RTN4IP1: variants seen among roughly 807,000 people sequenced by gnomAD.
RTN4IP1 encodes the protein reticulon 4 interacting protein 1.
A neutral mutation model predicts 46.6 loss-of-function variants in RTN4IP1; 32 were observed. That is an observed-to-expected ratio of 0.69 (90% CI 0.52 to 0.92). RTN4IP1 has a LOEUF of 0.92. Ranked by LOEUF, RTN4IP1 falls within the 40% of genes least tolerant of loss-of-function variation. The pLI, the probability that RTN4IP1 is intolerant of heterozygous loss-of-function variation, is 0.00. For missense variants in RTN4IP1, 424 were observed against 485.8 expected (o/e 0.87, Z 1.20); for synonymous variants, 167 against 161.8 (o/e 1.03, Z -0.24).
rs199600007 is a variant in RTN4IP1, at chr6:106,629,294, T to TAA, written c.-275_-274dup. On this transcript the variant is annotated 5_prime_UTR_variant, in exon 1 of 9. An upstream open reading frame in the 5' UTR loses its in-frame stop. Coordinates refer to ENST00000369063, the MANE Select transcript of RTN4IP1 (RefSeq NM_032730.5). ...TCCCTCACTTTCACCCCCTCCACTT[T>TAA]AAAAAAAAAAGGGGGGGCGGGGCAT... is the stretch of plus-strand genomic sequence containing the variant. The TAA allele has an allele frequency of 2.3e-4, 92 of 405,484 alleles. No homozygotes were observed. The highest frequency in any genetic ancestry group is 1.2e-3 in the South Asian group (30 of 26,058). 25.1% of individuals were successfully genotyped at this position (405,484 alleles called of 1,614,324 possible). A position where few individuals can be genotyped will look rare whatever the true frequency, so the allele number is the denominator to read the frequency against.
Position 106,619,324 on chromosome 6 carries a change from G to T in RTN4IP1, c.498C>A (p.Val166=), listed in dbSNP as rs762291141. 1 of 1,614,000 alleles carries T rather than the reference G, an allele frequency of 6.2e-7. No individual in the cohort carries two copies. The highest frequency in any genetic ancestry group is 1.1e-5 in the South Asian group (1 of 91,016). The stretch of plus-strand genomic sequence containing the variant: ...GAGTGAGTGATTTGGGTTTGTGAGA[G>T]ACCTACATTTGAAGACAACAGTCAA... The part of the protein sequence containing the change: ...SEFVVVSGNE[V]SHKPKSLTHT... Residue 166 remains valine, a splice_region_variant and synonymous_variant, in exon 4 of 9, where the codon GTC becomes GTA. Coordinates refer to ENST00000369063, the MANE Select transcript of RTN4IP1 (RefSeq NM_032730.5).
At chr6:106,596,106 T>C (rs1425493873) in intron 5 of RTN4IP1, among the ~76,000 whole-genome samples, 1 of 152,222 alleles carries the variant, frequency 6.6e-6, no homozygotes, top group African/African-American at 2.4e-5. Context: ...TTGAGTCTTT[T>C]GACATGACCT....
chr6:106,624,941 A>G (rs1776597624), intron 1 of RTN4IP1, among the ~76,000 whole-genome samples: 1 of 142,400 alleles, frequency 7.0e-6, no homozygotes, highest in Non-Finnish European at 1.5e-5. Flanking sequence ...GTCTCAAAAA[A>G]AAAAAAAAAA....
intron 1 of RTN4IP1, among the ~76,000 whole-genome samples, chr6:106,624,219 C>T (rs1776571562): frequency 1.3e-5 from 2 of 152,034 alleles, no homozygotes; most frequent in Admixed American, 1.3e-4. Context: ...CCACAGCCAC[C>T]TAATTTTTGT....
At chr6:106,591,614 G>A (rs1055655951) in intron 6 of RTN4IP1, among the ~76,000 whole-genome samples, 1 of 152,016 alleles carries the variant, frequency 6.6e-6, no homozygotes, top group Non-Finnish European at 1.5e-5. Context: ...TGAATAAGCT[G>A]GAGTCACAGT....
intron 5 of RTN4IP1, among the ~76,000 whole-genome samples, chr6:106,597,993 A>G (rs12204296): frequency 0.23 from 34,955 of 151,908 alleles, 4,626 homozygotes; most frequent in East Asian, 0.3. Context: ...ATGATTTCCA[A>G]TTTCATCCAT....
intron 8 of RTN4IP1, among the ~76,000 whole-genome samples, chr6:106,575,608 G>C (rs781458442): frequency 2.6e-5 from 4 of 152,192 alleles, no homozygotes; most frequent in Non-Finnish European, 5.9e-5. Context: ...GGTGGAGAAG[G>C]ACACTGTCTA....
At chr6:106,594,759 C>T (rs1048542154) in intron 5 of RTN4IP1, among the ~76,000 whole-genome samples, 5 of 152,058 alleles carry the variant, frequency 3.3e-5, no homozygotes, top group African/African-American at 1.2e-4. Flanking sequence ...ATTCTTAAAA[C>T]GTGGTATCTT....
chr6:106,602,817 T>C, intron 5 of RTN4IP1, 57 bp downstream of exon 5: 2 of 1,216,582 alleles, frequency 1.6e-6, no homozygotes, highest in Non-Finnish European at 2.3e-6. Flanking sequence ...TGTATCTTAA[T>C]TTATAAATTC....
chr6:106,598,148 A>G (rs948114662), intron 5 of RTN4IP1, among the ~76,000 whole-genome samples: 5 of 152,106 alleles, frequency 3.3e-5, no homozygotes, highest in African/African-American at 1.2e-4. Flanking sequence ...TAATGCCGCA[A>G]TAAACATACG....
intron 2 of RTN4IP1, among the ~76,000 whole-genome samples, chr6:106,622,052 C>A (rs1399588253): frequency 6.6e-6 from 1 of 151,910 alleles, no homozygotes; most frequent in African/African-American, 2.4e-5. Flanking sequence ...AAAAAAATAC[C>A]CTAATTCTAT....
At chr6:106,572,159 G>T (rs1435705703) in intron 8 of RTN4IP1, 56 bp from the exon 9 acceptor site, 11 of 1,326,812 alleles carry the variant, frequency 8.3e-6, no homozygotes, top group Non-Finnish European at 1.1e-5. Context: ...TTTCAAGGCA[G>T]ATGACATTGC....
chr6:106,589,237 G>GGAGGAGGAGGA (rs1562136695), intron 6 of RTN4IP1, among the ~76,000 whole-genome samples: 1 of 2,002 alleles, frequency 5.0e-4, no homozygotes, highest in East Asian at 8.8e-3. Flanking sequence ...GGAGGAGGGA[G>GGAGGAGGAGGA]GGAGGAGGAG....
intron 4 of RTN4IP1, among the ~76,000 whole-genome samples, chr6:106,603,332 T>G (rs1775990403): frequency 6.6e-6 from 1 of 152,198 alleles, no homozygotes; most frequent in South Asian, 2.1e-4. Flanking sequence ...CCTGACTACA[T>G]TCTCACCAAA....
intron 4 of RTN4IP1, among the ~76,000 whole-genome samples, chr6:106,606,981 C>A (rs925370341): frequency 6.6e-6 from 1 of 152,106 alleles, no homozygotes; most frequent in Admixed American, 6.6e-5. Context: ...GGAGGCATCA[C>A]CCTACCTGAC....
chr6:106,601,950 G>A (rs1327788372), intron 5 of RTN4IP1, among the ~76,000 whole-genome samples: 3 of 151,978 alleles, frequency 2.0e-5, no homozygotes, highest in Non-Finnish European at 4.4e-5. Context: ...ATGTGAGGTA[G>A]GGGCTCAACT....
In RTN4IP1 at chr6:106,621,440, T is replaced by C; in HGVS notation, c.480A>G (p.Val160=). The C allele has an allele frequency of 6.2e-7, 1 of 1,613,738 alleles. No homozygotes were observed. Among genetic ancestry groups the C allele is most frequent in the Non-Finnish European group, 8.5e-7 (1 of 1,179,666 alleles). The change falls in exon 3 of 9, where the codon GTA becomes GTG. Residue 160 remains valine, a synonymous_variant. Transcript: ENST00000369063. The part of the protein sequence containing the change: ...WKQGTLSEFV[V]VSGNEVSHKP... ...GGTAAGTTACCTCATTCCCACTGAC[T>C]ACAACAAACTCTGAAAGAGTGCCTT...
intron 4 of RTN4IP1, among the ~76,000 whole-genome samples, chr6:106,607,975 T>C (rs1414580618): frequency 6.6e-6 from 1 of 152,196 alleles, no homozygotes; most frequent in African/African-American, 2.4e-5. Flanking sequence ...ATCCTACTAC[T>C]GAGTATTTAT....
chr6:106,604,480 T>C (rs1412682199), intron 4 of RTN4IP1, among the ~76,000 whole-genome samples: 2 of 152,172 alleles, frequency 1.3e-5, no homozygotes, highest in African/African-American at 4.8e-5. Context: ...AAGGTCTCTC[T>C]GACCTTCTCT....
Sources: allele counts gnomAD v4.1 joint callset (sites outside exome capture counted in the v4.1 genomes callset), GRCh38; gene constraint gnomAD v4.1.1; transcripts MANE v1.5; gene names NCBI Gene and HGNC (gene_info 2026-07-23, HGNC 2026-07-21).